Variants in CHCHD3 observed in about 807,000 individuals in gnomAD.
The protein encoded by CHCHD3 is MICOS complex subunit MIC19.
A neutral mutation model predicts 38.2 loss-of-function variants in CHCHD3; 20 were observed. The observed-to-expected ratio is 0.52, with a 90% CI of 0.37 to 0.76. CHCHD3 has a LOEUF of 0.76. Ranked by LOEUF, CHCHD3 falls within the 30% of genes least tolerant of loss-of-function variation. The pLI, the probability that CHCHD3 is intolerant of heterozygous loss-of-function variation, is 0.00. For missense variants in CHCHD3, 245 were observed against 279.2 expected (o/e 0.88, Z 0.87); for synonymous variants, 82 against 100.0 (o/e 0.82, Z 1.07).
At chr7:132,839,133 G>A (rs1335585859) in intron 5 of CHCHD3, among the ~76,000 whole-genome samples, 2 of 151,850 alleles carry the variant, frequency 1.3e-5, no homozygotes, top group Non-Finnish European at 2.9e-5. Flanking sequence ...TGGAGGTTGC[G>A]GTGAGCGGAG....
At chr7:133,041,736 T>C (rs983600880) in intron 2 of CHCHD3, among the ~76,000 whole-genome samples, 6 of 152,174 alleles carry the variant, frequency 3.9e-5, no homozygotes, top group African/African-American at 1.4e-4. Context: ...CCCATCTCCA[T>C]CTACTCCAGT....
At chr7:132,933,135 A>G (rs1189616200) in intron 4 of CHCHD3, among the ~76,000 whole-genome samples, 1 of 152,224 alleles carries the variant, frequency 6.6e-6, no homozygotes, top group African/African-American at 2.4e-5. Flanking sequence ...AGGCAAAAAC[A>G]TCCTGAACGT....
intron 2 of CHCHD3, among the ~76,000 whole-genome samples, chr7:133,027,968 C>G (rs140949526): frequency 1.6e-4 from 24 of 152,222 alleles, no homozygotes; most frequent in African/African-American, 5.8e-4. Flanking sequence ...TATGGGTACA[C>G]CTGTTAGCTA....
chr7:132,836,784 T>C (rs1807794358), intron 6 of CHCHD3, among the ~76,000 whole-genome samples: 2 of 152,176 alleles, frequency 1.3e-5, no homozygotes, highest in Non-Finnish European at 2.9e-5. Context: ...CTTATCTCAT[T>C]CTTCAAGTTC....
At chr7:132,861,761 A>C (rs1808495437) in intron 5 of CHCHD3, among the ~76,000 whole-genome samples, 1 of 152,204 alleles carries the variant, frequency 6.6e-6, no homozygotes, top group Non-Finnish European at 1.5e-5. Flanking sequence ...ATTTATGGAC[A>C]CTAAAATTTG....
intron 5 of CHCHD3, among the ~76,000 whole-genome samples, chr7:132,875,279 T>A (rs369733130): frequency 2.0e-5 from 3 of 152,308 alleles, no homozygotes; most frequent in African/African-American, 7.2e-5. Flanking sequence ...TCAAAATTAT[T>A]TGGCCATGGA....
chr7:133,042,086 C>T (rs1402699410), intron 2 of CHCHD3, among the ~76,000 whole-genome samples: 1 of 152,162 alleles, frequency 6.6e-6, no homozygotes, highest in Non-Finnish European at 1.5e-5. Context: ...GACAGAACTG[C>T]CACATTCCTA....
At chr7:132,922,662 G>A (rs1341648084) in intron 4 of CHCHD3, among the ~76,000 whole-genome samples, 1 of 151,740 alleles carries the variant, frequency 6.6e-6, no homozygotes, top group Non-Finnish European at 1.5e-5. Flanking sequence ...TTCCCACTTG[G>A]GCAAGAAACT....
intron 4 of CHCHD3, among the ~76,000 whole-genome samples, chr7:132,957,527 G>A (rs1811211476): frequency 6.6e-6 from 1 of 152,052 alleles, no homozygotes; most frequent in Admixed American, 6.6e-5. Context: ...CTGTCACCCA[G>A]GCTGCAGTGC....
chr7:132,796,949 G>A (rs1358728414), intron 6 of CHCHD3, among the ~76,000 whole-genome samples: 3 of 152,052 alleles, frequency 2.0e-5, no homozygotes, highest in African/African-American at 4.8e-5. Flanking sequence ...TGGTCCTCCT[G>A]CTCCACACTC....
intron 2 of CHCHD3, among the ~76,000 whole-genome samples, chr7:133,058,951 C>A (rs1322089086): frequency 6.6e-6 from 1 of 152,174 alleles, no homozygotes; most frequent in South Asian, 2.1e-4. Context: ...GCTCCCTGAT[C>A]TCCCAGTCGT....
chr7:133,005,232 AAAAT>A (rs1409187743), intron 3 of CHCHD3, among the ~76,000 whole-genome samples: 7 of 152,196 alleles, frequency 4.6e-5, no homozygotes, highest in African/African-American at 1.7e-4. Flanking sequence ...AAACAAACCT[AAAAT>A]CTCTTCCATC....
chr7:132,853,313 A>G (rs1037180689), intron 5 of CHCHD3, among the ~76,000 whole-genome samples: 1 of 152,174 alleles, frequency 6.6e-6, no homozygotes, highest in Non-Finnish European at 1.5e-5. Flanking sequence ...TTGACATATA[A>G]AAGGTGACAC....
At chr7:132,888,978 G>C (rs1809292023) in intron 4 of CHCHD3, among the ~76,000 whole-genome samples, 1 of 151,806 alleles carries the variant, frequency 6.6e-6, no homozygotes, top group African/African-American at 2.4e-5. Flanking sequence ...ATATGTAGTG[G>C]GATATATTAT....
intron 4 of CHCHD3, among the ~76,000 whole-genome samples, chr7:132,950,304 C>T (rs1811007018): frequency 6.6e-6 from 1 of 152,030 alleles, no homozygotes; most frequent in Non-Finnish European, 1.5e-5. Flanking sequence ...AGTGTACCCC[C>T]CAGTCCAAAA....
At chr7:132,827,712 C>G (rs147902323) in intron 6 of CHCHD3, among the ~76,000 whole-genome samples, 1 of 152,296 alleles carries the variant, frequency 6.6e-6, no homozygotes, top group African/African-American at 2.4e-5. Context: ...ATCAAATCTC[C>G]TCTATTCCCA....
At chr7:133,062,376 C>G (rs1425000637) in intron 2 of CHCHD3, among the ~76,000 whole-genome samples, 2 of 152,128 alleles carry the variant, frequency 1.3e-5, no homozygotes, top group African/African-American at 4.8e-5. Context: ...AGTATATGTC[C>G]TATGCTTTAT....
intron 2 of CHCHD3, among the ~76,000 whole-genome samples, chr7:133,032,292 A>G (rs1345911616): frequency 1.3e-5 from 2 of 152,182 alleles, no homozygotes; most frequent in Non-Finnish European, 2.9e-5. Flanking sequence ...TTCAAAACAA[A>G]TGGCATCTGT....
intron 4 of CHCHD3, among the ~76,000 whole-genome samples, chr7:132,921,709 G>C (rs1375265068): frequency 6.6e-6 from 1 of 152,134 alleles, no homozygotes; most frequent in Non-Finnish European, 1.5e-5. Context: ...TCTAAGGCAA[G>C]TGTTTGGAAT....
Sources: allele counts gnomAD v4.1 joint callset (sites outside exome capture counted in the v4.1 genomes callset), GRCh38; gene constraint gnomAD v4.1.1; transcripts MANE v1.5; gene names NCBI Gene and HGNC (gene_info 2026-07-23, HGNC 2026-07-21).